The following DNAH3 variants were observed in gnomAD, a reference collection of about 807,000 sequenced individuals.
The protein encoded by DNAH3 is dynein axonemal heavy chain 3.
Under a neutral mutation model 432.5 loss-of-function variants are expected in DNAH3, and 332 were observed. That is an observed-to-expected ratio of 0.77 (90% confidence interval 0.70 to 0.84). DNAH3 has a LOEUF of 0.84. Ranked by LOEUF, DNAH3 falls within the 40% of genes least tolerant of loss-of-function variation. The pLI, the probability that DNAH3 is intolerant of heterozygous loss-of-function variation, is 0.00. For missense variants in DNAH3, 4,861 were observed against 5,114.0 expected, an observed-to-expected ratio of 0.95 and a Z score of 1.51; for synonymous variants, 1,956 against 1,900.2, an observed-to-expected ratio of 1.03 and a Z score of -0.76.
At chr16:21,060,493 C>G in intron 25 of DNAH3, 137 bp from the exon 26 acceptor site, 1 of 573,170 alleles carries the variant, frequency 1.7e-6, no homozygotes, top group South Asian at 2.5e-5. Flanking sequence ...TCAATATTCT[C>G]TGTCTCCCCG....
At chr16:20,941,190 T>G (rs1288020103) in intron 59 of DNAH3, among the ~76,000 whole-genome samples, 2 of 152,198 alleles carry the variant, frequency 1.3e-5, no homozygotes, top group Non-Finnish European at 1.5e-5. Context: ...AGATGTCACA[T>G]GAATGAATGG....
At chr16:21,067,464 G>A in intron 23 of DNAH3, 45 bp from the exon 24 acceptor site, 1 of 1,606,368 alleles carries the variant, frequency 6.2e-7, no homozygotes, top group South Asian at 1.1e-5. Flanking sequence ...AGGTTCCCAA[G>A]TTCTGAGATT....
chr16:20,935,777 A>G (rs1386404979), intron 60 of DNAH3, among the ~76,000 whole-genome samples: 1 of 149,570 alleles, frequency 6.7e-6, no homozygotes, highest in African/African-American at 2.5e-5. Context: ...CAGGAGGCAG[A>G]GGTTGCAGTG....
intron 15 of DNAH3, among the ~76,000 whole-genome samples, chr16:21,105,049 T>G (rs1238919992): frequency 6.6e-6 from 1 of 152,184 alleles, no homozygotes; most frequent in Admixed American, 6.5e-5. Flanking sequence ...CAAAGCCAAA[T>G]GCCCTACCCA....
rs200136860 is a variant in DNAH3 at position 21,104,466 on chromosome 16, G to A, written c.2366+5C>T. 4.0e-4 allele frequency: 642 copies of A among 1,613,072 alleles called. 3 individuals carry two copies. The highest frequency in any genetic ancestry group is 2.3e-3 in the South Asian group (210 of 91,050). ...TTCCAAGACAATCCCAGACTCTCCCGGTACCTTTTAATCAGATCCATTTCT... is the reference window on the plus strand; with the variant it reads ...TTCCAAGACAATCCCAGACTCTCCCAGTACCTTTTAATCAGATCCATTTCT... On this transcript the variant is annotated splice_donor_5th_base_variant and intron_variant, in intron 16 of 61. Coordinates refer to ENST00000261383, the Ensembl canonical transcript of DNAH3.
At position 20,987,319 on chromosome 16, in the gene DNAH3, G is replaced by A. The variant is rs369107984; in HGVS notation, c.7012C>T (p.Gln2338Ter). The A allele has an allele frequency of 1.9e-5, 31 of 1,614,030 alleles. No individual in the cohort carries two copies. In the African/African-American group the frequency reaches 3.7e-4, roughly 19 times the overall value. Residue 2338 changes from glutamine to a stop codon, truncating the protein, a stop_gained, in exon 47 of 62, where the codon CAG (glutamine) becomes TAG (stop). Transcript: ENST00000261383. LOFTEE classifies it high-confidence loss of function. ...ATCTGGTTTACCTTCTCTATGGTCT[G>A]CTTGAAGCAATTGGAGGTGGTTTCC... is the stretch of plus-strand genomic sequence containing the variant.
rs545734868 is a variant in DNAH3 at position 21,016,803 on chromosome 16, T to A, written c.6022+2821A>T. ...GGATAAACAAAACGTGGTGTATACA[T>A]GAAATGGAATATATTCAGCCTTAAG... On this transcript the variant is annotated intron_variant, in intron 41 of 61. Transcript: ENST00000261383. Among the ~76,000 whole-genome samples, 4 of 152,308 alleles carry A rather than the reference T, an allele frequency of 2.6e-5. No individual in the cohort carries two copies. The South Asian group carries it at 8.3e-4, about 32-fold the overall frequency.
intron 29 of DNAH3, 76 bp downstream of exon 29, chr16:21,051,594 C>G (rs770970553): frequency 1.5e-5 from 22 of 1,477,978 alleles, no homozygotes; most frequent in Admixed American, 7.0e-5. Flanking sequence ...CAAGACATCC[C>G]TAACTTTCCT....
At position 20,995,209 on chromosome 16, in the gene DNAH3, A is replaced by G. The variant is rs113623551; in HGVS notation, c.6601+2074T>C. ...AATCTGCCCGCTTTGGCATCCCAAA[A>G]TGCTGGGATTACAGCCGTGAGCCAG... On this transcript the variant is annotated intron_variant, in intron 44 of 61. Transcript: ENST00000261383. Among the ~76,000 whole-genome samples the G allele has an allele frequency of 8.2e-3, 1,235 of 150,972 alleles. 22 individuals are homozygous for G. The highest frequency in any genetic ancestry group is 0.028 in the African/African-American group (1,156 of 41,098).
At chr16:21,156,393 G>A (rs1465390853) in intron 1 of DNAH3, among the ~76,000 whole-genome samples, 6 of 151,698 alleles carry the variant, frequency 4.0e-5, no homozygotes, top group East Asian at 1.9e-4. Flanking sequence ...CACTATGCCC[G>A]GCTAACTTTT....
chr16:21,140,323 G>A (rs2092702145), intron 5 of DNAH3: 3 of 432,550 alleles, frequency 6.9e-6, no homozygotes, highest in Non-Finnish European at 1.2e-5. Context: ...CACTTACTAG[G>A]GCAGAGAACA....
At chr16:21,067,956 G>C (rs372977921) in intron 23 of DNAH3, among the ~76,000 whole-genome samples, 1 of 151,804 alleles carries the variant, frequency 6.6e-6, no homozygotes, top group East Asian at 1.9e-4. Flanking sequence ...TGGTCTTCTC[G>C]TTTCAGCTAT....
At position 21,106,550 on chromosome 16, in the gene DNAH3, T is replaced by C. The variant is rs1282103627; in HGVS notation, c.2224A>G (p.Arg742Gly). Residue 742 changes from arginine (R) to glycine (G), a missense_variant, in exon 15 of 62, where the codon AGG becomes GGG. Coordinates refer to ENST00000261383, the Ensembl canonical transcript of DNAH3. ...CGTTCACTTGCATCTCTAAGTTGCC[T>C]CCTGAGTTTGAACACAGTGACAGCA... 1 of 1,612,246 alleles carries C rather than the reference T, an allele frequency of 6.2e-7. No homozygotes were observed. The highest frequency in any genetic ancestry group is 1.7e-5 in the Admixed American group (1 of 60,002).
At chr16:21,062,761 G>T in intron 24 of DNAH3, 78 bp from the exon 25 acceptor site, 2 of 1,154,390 alleles carry the variant, frequency 1.7e-6, no homozygotes, top group East Asian at 2.5e-5. Flanking sequence ...TTTCTGACAG[G>T]TAGTCCGCAC....
At chr16:21,129,679 G>A (rs564272046) in intron 7 of DNAH3, among the ~76,000 whole-genome samples, 9 of 152,096 alleles carry the variant, frequency 5.9e-5, no homozygotes, top group African/African-American at 2.2e-4. Context: ...AGAGGTTGCA[G>A]TGAGTCGAGA....
chr16:21,139,320 C>CTTTTTTTTTTTTT lies in DNAH3; in HGVS notation c.696+1203_696+1215dup, dbSNP rs9302391. On this transcript the variant is annotated intron_variant, in intron 5 of 61. Coordinates refer to ENST00000261383, the Ensembl canonical transcript of DNAH3. ...AATGTAGCTTGAGACTTTCCTCATG[C>CTTTTTTTTTTTTT]TTTTTTTTTTTTTTTTTTTTTTTTT... Among the ~76,000 whole-genome samples the CTTTTTTTTTTTTT allele has an allele frequency of 7.0e-3, 208 of 29,632 alleles. 49 individuals carry two copies. Among genetic ancestry groups the CTTTTTTTTTTTTT allele is most frequent in the East Asian group, 0.016 (11 of 702 alleles). 19.4% of individuals were successfully genotyped at this position (29,632 alleles called of 152,430 possible).
At chr16:21,060,034 A>G (rs1186123836) in intron 26 of DNAH3, among the ~76,000 whole-genome samples, 2 of 152,170 alleles carry the variant, frequency 1.3e-5, no homozygotes, top group Non-Finnish European at 2.9e-5. Flanking sequence ...TGGCAACCAG[A>G]GGGTTCCAGC....
chr16:20,976,934 T>C (rs1597024933), intron 50 of DNAH3, among the ~76,000 whole-genome samples: 1 of 152,344 alleles, frequency 6.6e-6, no homozygotes, highest in Middle Eastern at 3.4e-3. Flanking sequence ...CAGTTTGGGA[T>C]ATTTTGCTAT....
chr16:20,994,247 G>A (rs1324988106), intron 44 of DNAH3, among the ~76,000 whole-genome samples: 1 of 151,888 alleles, frequency 6.6e-6, no homozygotes, highest in Non-Finnish European at 1.5e-5. Flanking sequence ...CTGGCTAACA[G>A]GATGAAACCC....
Sources: allele counts gnomAD v4.1 joint callset (sites outside exome capture counted in the v4.1 genomes callset), GRCh38; gene constraint gnomAD v4.1.1; transcripts MANE v1.5; gene names NCBI Gene and HGNC (gene_info 2026-07-23, HGNC 2026-07-21).